EPHA6: variants seen among roughly 807,000 people sequenced by gnomAD.
The protein encoded by EPHA6 is ephrin type-A receptor 6.
EPHA6 carries 50 observed loss-of-function variants against 112.0 expected under a neutral mutation model. The observed-to-expected ratio is 0.45, with a 90% confidence interval of 0.36 to 0.56. The LOEUF (loss-of-function observed/expected upper bound fraction) is 0.56, where lower values mean the gene tolerates loss of function less well. Among genes scored for constraint, EPHA6 ranks in the 20% least tolerant of loss-of-function variants. The pLI is 0.00. For missense variants in EPHA6, 1,280 were observed against 1,417.4 expected (o/e 0.90, Z 1.56); for synonymous variants, 529 against 490.7 (o/e 1.08, Z -1.03).
At chr3:97,696,425 T>C (rs2033043311) in intron 14 of EPHA6, among the ~76,000 whole-genome samples, 1 of 152,234 alleles carries the variant, frequency 6.6e-6, no homozygotes, top group Non-Finnish European at 1.5e-5. Context: ...TTCCTCAAGA[T>C]GTCTTAACAT....
intron 3 of EPHA6, among the ~76,000 whole-genome samples, chr3:97,179,717 G>GTCCCTC (rs2076932501): frequency 1.7e-5 from 2 of 119,112 alleles, no homozygotes; most frequent in African/African-American, 3.8e-5. Flanking sequence ...AACCTACAGA[G>GTCCCTC]TCTCTCTCTC....
chr3:97,108,671 A>G (rs1049111383), intron 3 of EPHA6, among the ~76,000 whole-genome samples: 1 of 152,140 alleles, frequency 6.6e-6, no homozygotes, highest in Non-Finnish European at 1.5e-5. Context: ...AAAATTCATC[A>G]TCTTACAAGG....
intron 5 of EPHA6, among the ~76,000 whole-genome samples, chr3:97,364,721 A>G (rs1214547562): frequency 6.6e-6 from 1 of 152,184 alleles, no homozygotes; most frequent in East Asian, 1.9e-4. Context: ...TCCTATTTAA[A>G]TAATGTGTGA....
At chr3:97,404,642 A>G (rs980296678) in intron 5 of EPHA6, among the ~76,000 whole-genome samples, 10 of 152,168 alleles carry the variant, frequency 6.6e-5, no homozygotes, top group African/African-American at 2.4e-4. Flanking sequence ...GAAACTATGC[A>G]AAAGAAATAA....
intron 7 of EPHA6, among the ~76,000 whole-genome samples, chr3:97,450,172 A>T (rs1303306689): frequency 6.6e-6 from 1 of 152,056 alleles, no homozygotes; most frequent in Non-Finnish European, 1.5e-5. Flanking sequence ...CAAAACATAG[A>T]TCCACAATAA....
intron 3 of EPHA6, among the ~76,000 whole-genome samples, chr3:96,999,323 A>G (rs2043542623): frequency 6.6e-6 from 1 of 151,940 alleles, no homozygotes; most frequent in African/African-American, 2.4e-5. Flanking sequence ...AAAGAATTCA[A>G]GTTAGTAATC....
At chr3:97,359,030 CTTT>C (rs796076993) in intron 5 of EPHA6, among the ~76,000 whole-genome samples, 2 of 138,926 alleles carry the variant, frequency 1.4e-5, no homozygotes, top group African/African-American at 5.2e-5. Context: ...CTTGCTATGG[CTTT>C]TTTTTTTTTG....
At chr3:97,305,030 A>C (rs1478859815) in intron 5 of EPHA6, among the ~76,000 whole-genome samples, 1 of 152,050 alleles carries the variant, frequency 6.6e-6, no homozygotes, top group African/African-American at 2.4e-5. Flanking sequence ...AAGGAACTTA[A>C]ATTTACAAGA....
chr3:97,254,029 AAATGTTT>A (rs1228405132), intron 5 of EPHA6, among the ~76,000 whole-genome samples: 2 of 152,254 alleles, frequency 1.3e-5, no homozygotes, highest in East Asian at 3.9e-4. Flanking sequence ...TTATGAGAAT[AAATGTTT>A]AATGTATTGA....
chr3:97,465,500 A>T (rs2091022703), intron 7 of EPHA6, among the ~76,000 whole-genome samples: 1 of 151,980 alleles, frequency 6.6e-6, no homozygotes, highest in Admixed American at 6.6e-5. Context: ...TTTAAAATAG[A>T]ATAGTCTCCC....
chr3:97,027,209 G>A (rs370715001), intron 3 of EPHA6, among the ~76,000 whole-genome samples: 1 of 152,154 alleles, frequency 6.6e-6, no homozygotes, highest in African/African-American at 2.4e-5. Context: ...AATACCGCAT[G>A]TTCTCACTTA....
chr3:97,589,677 G>T (rs1381693024), intron 11 of EPHA6, among the ~76,000 whole-genome samples: 1 of 152,066 alleles, frequency 6.6e-6, no homozygotes, highest in Non-Finnish European at 1.5e-5. Context: ...ACTAAGGAGA[G>T]AATCGAAATC....
intron 3 of EPHA6, among the ~76,000 whole-genome samples, chr3:97,024,547 AT>A (rs1309520707): frequency 1.3e-5 from 2 of 152,222 alleles, no homozygotes; most frequent in Non-Finnish European, 2.9e-5. Context: ...ACAGAGAGCT[AT>A]TTGTTGTTTA....
chr3:97,007,853 T>G (rs1471296770), intron 3 of EPHA6, among the ~76,000 whole-genome samples: 1 of 152,164 alleles, frequency 6.6e-6, no homozygotes, highest in Admixed American at 6.6e-5. Context: ...ATTTCTCCTT[T>G]GCTTAAGAAA....
chr3:96,914,876 A>C (rs62263683), intron 2 of EPHA6, among the ~76,000 whole-genome samples: 493 of 152,116 alleles, frequency 3.2e-3, no homozygotes, highest in Non-Finnish European at 4.7e-3. Flanking sequence ...TGAGGTAATA[A>C]AATAAAAATT....
chr3:97,517,293 A>G (rs1251050868), intron 10 of EPHA6, among the ~76,000 whole-genome samples: 1 of 152,104 alleles, frequency 6.6e-6, no homozygotes, highest in African/African-American at 2.4e-5. Flanking sequence ...GAAGAACTAT[A>G]GTGTGTGTCA....
chr3:97,728,550 G>A (rs2034886905), intron 15 of EPHA6, among the ~76,000 whole-genome samples: 1 of 152,056 alleles, frequency 6.6e-6, no homozygotes, highest in South Asian at 2.1e-4. Flanking sequence ...TAGAATGGAG[G>A]CCAAATCCAG....
intron 3 of EPHA6, among the ~76,000 whole-genome samples, chr3:97,209,860 A>G (rs993596426): frequency 6.6e-6 from 1 of 152,222 alleles, no homozygotes; most frequent in Non-Finnish European, 1.5e-5. Context: ...AATCACACAT[A>G]CAATTCATTC....
chr3:97,226,992 A>G (rs1406996978), intron 4 of EPHA6, among the ~76,000 whole-genome samples: 2 of 152,168 alleles, frequency 1.3e-5, no homozygotes, highest in East Asian at 3.9e-4. Flanking sequence ...TCTAAATGTG[A>G]AGGTCATTTT....
Sources: gnomAD v4.1 joint callset for allele counts (sites outside exome capture counted in the v4.1 genomes callset) on GRCh38, gnomAD v4.1.1 for gene constraint, MANE v1.5 for transcripts, NCBI Gene and HGNC (gene_info 2026-07-23, HGNC 2026-07-21) for gene names.